Variants in PSCA observed in about 807,000 individuals in gnomAD.
PSCA encodes the protein prostate stem cell antigen.
In PSCA, 7 loss-of-function variants were observed where a neutral mutation model predicts 7.9. The ratio of observed to expected loss-of-function variants is 0.89; its 90% CI spans 0.51 to 1.67. PSCA has a LOEUF of 1.67. Among genes scored for constraint, PSCA ranks in the 40% most tolerant of loss-of-function variants. The probability of loss-of-function intolerance (pLI) is 0.00; values close to 1 mark genes in which losing one functional copy is unlikely to be tolerated. For missense variants in PSCA, 151 were observed against 147.9 expected (o/e 1.02, Z -0.11); for synonymous variants, 61 against 68.3 (o/e 0.89, Z 0.53).
At chr8:142,680,895 T>A (rs1734181026) in intron 1 of PSCA, 1 of 518,522 alleles carries the variant, frequency 1.9e-6, no homozygotes, top group South Asian at 2.5e-5. Flanking sequence ...CTGGGAGACA[T>A]GGGACAGGAA....
At chr8:142,680,642 C>T (rs1554638216) in intron 1 of PSCA, 79 bp downstream of exon 1, 72 of 1,505,158 alleles carry the variant, frequency 4.8e-5, no homozygotes, top group Admixed American at 7.9e-5. Flanking sequence ...GCAGGGCACA[C>T]GGAGAGGAGG....
intron 1 of PSCA, among the ~76,000 whole-genome samples, chr8:142,674,587 A>G (rs947883042): frequency 6.6e-6 from 1 of 152,248 alleles, no homozygotes; most frequent in Non-Finnish European, 1.5e-5. Flanking sequence ...GGGTTAGATC[A>G]GATCTCCTTC....
intron 2 of PSCA, chr8:142,681,720 C>T (rs1814641488): frequency 1.2e-5 from 7 of 607,208 alleles, no homozygotes; most frequent in South Asian, 9.8e-5. Context: ...TTCTGACGCT[C>T]AGCGGGTGGT....
At chr8:142,680,404 C>A, upstream of PSCA, 1 of 1,096,006 alleles carries the variant, frequency 9.1e-7, no homozygotes, top group Non-Finnish European at 1.3e-6. Flanking sequence ...GGGGCCCTCA[C>A]TGGCTCCAGG....
At chr8:142,681,879 G>A in intron 2 of PSCA, 42 bp from the exon 3 acceptor site, 2 of 1,422,440 alleles carry the variant, frequency 1.4e-6, no homozygotes, top group Non-Finnish European at 1.9e-6. Context: ...AGGCAGGTGA[G>A]CACACAGGGC....
chr8:142,680,854 CGGAT>C, intron 1 of PSCA: 1 of 556,990 alleles, frequency 1.8e-6, no homozygotes, highest in South Asian at 2.3e-5. Flanking sequence ...GACAGACTGA[CGGAT>C]GGATGGGCAG....
intron 1 of PSCA, chr8:142,670,579 A>T (rs782552700): frequency 6.6e-6 from 1 of 152,180 alleles, no homozygotes; most frequent in Non-Finnish European, 1.5e-5. Context: ...GTGAGTATGG[A>T]CCTGAGTTGG....
chr8:142,674,406 T>C (rs1847372684), intron 1 of PSCA, among the ~76,000 whole-genome samples: 2 of 151,018 alleles, frequency 1.3e-5, no homozygotes, highest in East Asian at 2.0e-4. Flanking sequence ...CCCATCTTCC[T>C]AATGAATAAC....
At chr8:142,680,303 G>A, upstream of PSCA, 1 of 578,806 alleles carries the variant, frequency 1.7e-6, no homozygotes, top group Non-Finnish European at 3.1e-6. Flanking sequence ...TATGGCCCTG[G>A]GTAGGCTCTG....
upstream of PSCA, among the ~76,000 whole-genome samples, chr8:142,678,261 G>A (rs587670868): frequency 2.2e-3 from 334 of 152,276 alleles, 2 homozygotes; most frequent in Non-Finnish European, 2.6e-3. Flanking sequence ...AATGAAGGCC[G>A]GACAACCATC....
rs1554638475 is a variant in PSCA, at chr8:142,682,183, C to T, written c.*51C>T. On this transcript the variant is annotated 3_prime_UTR_variant, in exon 3 of 3. Coordinates refer to ENST00000301258, the MANE Select transcript of PSCA (RefSeq NM_005672.5). ...ACACTGGGTGTGGTGCCCCAGGCCTCTGTGCCACTCCTCACACACCCGGCC... is the reference window on the plus strand; with the variant it reads ...ACACTGGGTGTGGTGCCCCAGGCCTTTGTGCCACTCCTCACACACCCGGCC... The T allele has an allele frequency of 6.5e-7, 1 of 1,547,098 alleles. No individual in the cohort carries two copies. Among genetic ancestry groups the T allele is most frequent in the African/African-American group, 1.4e-5 (1 of 73,678 alleles).
At chr8:142,680,124 AG>A (rs587728712), upstream of PSCA, 191 of 208,366 alleles carry the variant, frequency 9.2e-4, no homozygotes, top group African/African-American at 4.2e-3. Context: ...CTTCTATAGG[AG>A]CACAGGGCCC....
Position 142,673,445 on chromosome 8 carries a change from G to A in PSCA, n.261+2877G>A, listed in dbSNP as rs1847359092. ...ACACTGGGAGGGGTCAGAAAGAGAG[G>A]AAGAAAATACACTAGCGTGTAATCA... On this transcript the variant is annotated intron_variant and non_coding_transcript_variant, in intron 1 of 1. Coordinates refer to the PSCA transcript ENST00000505305. The surrounding 1 kb of genome is among the most constrained non-coding windows in gnomAD (Gnocchi z 4.6). Among the ~76,000 whole-genome samples the A allele has an allele frequency of 1.3e-5, 2 of 152,306 alleles. No homozygotes were observed. The highest frequency in any genetic ancestry group is 3.4e-3 in the Middle Eastern group (1 of 294).
upstream of PSCA, among the ~76,000 whole-genome samples, chr8:142,677,531 A>G (rs903253252): frequency 6.6e-6 from 1 of 152,198 alleles, no homozygotes; most frequent in Non-Finnish European, 1.5e-5. Context: ...GAGGACGGAA[A>G]GTTCCAGGCT....
chr8:142,682,286 C>T lies in PSCA; in HGVS notation c.*154C>T. 1.1e-6 allele frequency: 1 copy of T among 928,526 alleles called. No individual in the cohort carries two copies. The allele number at this position is 928,526 out of a possible 1,614,324, so 57.5% of individuals were successfully genotyped here. ...TGTATGTCTGCGCCCCTGTCCCCCA[C>T]CCTGACCCTCCCATGGCCCTCTCCA... On this transcript the variant is annotated 3_prime_UTR_variant, in exon 3 of 3. Coordinates refer to ENST00000301258, the MANE Select transcript of PSCA (RefSeq NM_005672.5).
upstream of PSCA, among the ~76,000 whole-genome samples, chr8:142,678,611 G>A (rs2129866543): frequency 6.6e-6 from 1 of 152,346 alleles, no homozygotes; most frequent in Non-Finnish European, 1.5e-5. Context: ...CGGGACCTGG[G>A]CCTTCTCTAG....
At chr8:142,676,290 T>G (rs2978980), upstream of PSCA, 68,304 of 152,224 alleles carry the variant, frequency 0.45, 15,466 homozygotes, top group Admixed American at 0.51. Context: ...ATTCTGTGGG[T>G]CAGGAATTTG....
chr8:142,670,413 G>C (rs1446074893), exon 1 of PSCA: 1 of 152,362 alleles, frequency 6.6e-6, no homozygotes, highest in Non-Finnish European at 1.5e-5. Context: ...TCCCGGTGCA[G>C]TTTCTGATGC....
chr8:142,680,403 A>C (rs961885023), upstream of PSCA: 1 of 1,074,450 alleles, frequency 9.3e-7, no homozygotes, highest in Admixed American at 2.1e-5. Context: ...CGGGGCCCTC[A>C]CTGGCTCCAG....
Sources: gnomAD v4.1 joint callset for allele counts (sites outside exome capture counted in the v4.1 genomes callset) on GRCh38, gnomAD v4.1.1 for gene constraint, Gnocchi (gnomAD v3.1) non-coding constraint, MANE v1.5 for transcripts, NCBI Gene and HGNC (gene_info 2026-07-23, HGNC 2026-07-21) for gene names.